Variants in HSD11B2 observed in about 807,000 individuals in gnomAD.
HSD11B2 encodes 11-beta-hydroxysteroid dehydrogenase type 2.
A neutral mutation model predicts 20.9 loss-of-function variants in HSD11B2; 17 were observed. The ratio of observed to expected loss-of-function variants is 0.81; its 90% CI spans 0.56 to 1.22. The LOEUF (loss-of-function observed/expected upper bound fraction) is 1.22. HSD11B2 is among the 50% of genes most tolerant of loss of function. HSD11B2 has a pLI of 0.00. For missense variants in HSD11B2, 480 were observed against 563.6 expected (o/e 0.85, Z 1.50); for synonymous variants, 253 against 255.4 (o/e 0.99, Z 0.09).
In HSD11B2 at chr16:67,436,973, C is replaced by A. The variant is rs766870207; in HGVS notation, c.1188C>A (p.Ser396Arg). Residue 396 changes from serine to arginine, a missense_variant, in exon 5 of 5, where the codon AGC becomes AGA. By Grantham distance (110) the Ser-to-Arg change is moderately radical. This residue lies in a region of HSD11B2 where 374 missense variants were observed against 480.9 expected (regional missense o/e 0.78). Coordinates refer to ENST00000326152, the MANE Select transcript of HSD11B2 (RefSeq NM_000196.4). The surrounding 1 kb of genome is among the most constrained non-coding windows in gnomAD (Gnocchi z 5.7). Reference protein sequence around the residue: ...PQDAAQDPNLSPGPSPAVAR With the variant: ...PQDAAQDPNLRPGPSPAVAR The stretch of plus-strand genomic sequence containing the variant: ...ACGCAGCCCAGGACCCAAACCTGAG[C>A]CCCGGCCCTTCCCCAGCAGTGGCTC... 9 of 1,610,444 alleles carry A rather than the reference C, an allele frequency of 5.6e-6. No homozygotes were observed. The Admixed American group carries it at 1.5e-4, about 27-fold the overall frequency.
At chr16:67,432,920 T>A (rs1454643174) in intron 1 of HSD11B2, 1 of 152,274 alleles carries the variant, frequency 6.6e-6, no homozygotes, top group Admixed American at 6.5e-5. Context: ...TTGTGGGCTC[T>A]GCCTCTGGGG....
Position 67,436,586 on chromosome 16 carries a change from A to G in HSD11B2, c.803-2A>G. The G allele has an allele frequency of 6.2e-7, 1 of 1,614,074 alleles. No individual in the cohort carries two copies. Among genetic ancestry groups the G allele is most frequent in the Non-Finnish European group, 8.5e-7 (1 of 1,179,996 alleles). ...ACTCTGACCTTGCCACTCCTTCCCCAGAGTCAGTGAGAAACGTGGGTCAGT... is the reference window on the plus strand; with the variant it reads ...ACTCTGACCTTGCCACTCCTTCCCCGGAGTCAGTGAGAAACGTGGGTCAGT... On this transcript the variant is annotated splice_acceptor_variant, in intron 4 of 4. Coordinates refer to ENST00000326152, the MANE Select transcript of HSD11B2 (RefSeq NM_000196.4). LOFTEE classifies it high-confidence loss of function. The surrounding 1 kb of genome is among the most constrained non-coding windows in gnomAD (Gnocchi z 5.7).
At chr16:67,433,913 G>C (rs1227859234) in intron 1 of HSD11B2, among the ~76,000 whole-genome samples, 2 of 145,528 alleles carry the variant, frequency 1.4e-5, no homozygotes, top group Non-Finnish European at 3.0e-5. Flanking sequence ...GAAGATGGGG[G>C]TTGGGGGGCG....
In HSD11B2 at chr16:67,437,338, C is replaced by T; in HGVS notation, c.*335C>T. 2 of 421,828 alleles carry T rather than the reference C, an allele frequency of 4.7e-6. No individual in the cohort carries two copies. Among genetic ancestry groups the T allele is most frequent in the East Asian group, 4.4e-5 (1 of 22,868 alleles). The allele number at this position is 421,828 out of a possible 1,614,324, so 26.1% of individuals were successfully genotyped here. On this transcript the variant is annotated 3_prime_UTR_variant, in exon 5 of 5. Transcript: ENST00000326152. ...CAGGACTCTGCAGATAGTGCCTCTG[C>T]AAACTAAGGAGTGACTAGGTGGGTT...
chr16:67,431,199 G>T lies in HSD11B2; in HGVS notation c.-50G>T. 1 of 1,081,394 alleles carries T rather than the reference G, an allele frequency of 9.2e-7. No homozygotes were observed. The highest frequency in any genetic ancestry group is 1.1e-6 in the Non-Finnish European group (1 of 875,876). 67.0% of individuals were successfully genotyped at this position (1,081,394 alleles called of 1,614,324 possible). A position where few individuals can be genotyped will look rare whatever the true frequency, so the allele number is the denominator to read the frequency against. On this transcript the variant is annotated 5_prime_UTR_variant, in exon 1 of 5. Coordinates refer to ENST00000326152, the MANE Select transcript of HSD11B2 (RefSeq NM_000196.4). ...CCCGGCCTAGAAGCTCTCTCTCCCC[G>T]CTCCCCGGCCCGGCCCCCGCCCCGC...
At chr16:67,432,870 G>GA (rs1224615687) in intron 1 of HSD11B2, 3 of 152,418 alleles carry the variant, frequency 2.0e-5, no homozygotes, top group African/African-American at 7.2e-5. Context: ...TTTGAGGAAG[G>GA]AAAATCAACA....
At position 67,436,694 on chromosome 16, in the gene HSD11B2, G is replaced by A. The variant is rs747501209; in HGVS notation, c.909G>A (p.Leu303=). 5.6e-6 allele frequency: 9 copies of A among 1,614,058 alleles called. No homozygotes were observed. In the Admixed American group the frequency reaches 1.3e-4, roughly 24 times the overall value. The stretch of plus-strand genomic sequence containing the variant: ...ACGGCAAGGACTACATCGAGCACTT[G>A]CATGGGCAGTTCCTGCACTCGCTAC... ...QAYGKDYIEH[L]HGQFLHSLRL... The change falls in exon 5 of 5, where the codon TTG becomes TTA. Residue 303 remains leucine (L), a synonymous_variant. Transcript: ENST00000326152. This position sits in a 1 kb window ranked among gnomAD's most constrained non-coding sequence, Gnocchi z 5.7.
chr16:67,434,754 C>G (rs986616336), intron 1 of HSD11B2, among the ~76,000 whole-genome samples: 1 of 152,118 alleles, frequency 6.6e-6, no homozygotes, highest in African/African-American at 2.4e-5. Flanking sequence ...GTAGACTGGG[C>G]GCAGTGGCTC....
Position 67,437,058 on chromosome 16 carries a change from G to T in HSD11B2, c.*55G>T. ...AGCACAGGAGGCTCCGTGAGCCCTT[G>T]GTTCCTCCCCGAAAACCCCCAGCAT... On this transcript the variant is annotated 3_prime_UTR_variant, in exon 5 of 5. Coordinates refer to ENST00000326152, the MANE Select transcript of HSD11B2 (RefSeq NM_000196.4). The T allele has an allele frequency of 2.6e-6, 4 of 1,563,714 alleles. No individual in the cohort carries two copies. Among genetic ancestry groups the T allele is most frequent in the Non-Finnish European group, 2.6e-6 (3 of 1,152,126 alleles).
In HSD11B2 at chr16:67,436,743, C is replaced by T; in HGVS notation, c.958C>T (p.Pro320Ser). 6.2e-7 allele frequency: 1 copy of T among 1,614,112 alleles called. No individual in the cohort carries two copies. Among genetic ancestry groups the T allele is most frequent in the Non-Finnish European group, 8.5e-7 (1 of 1,180,036 alleles). The change falls in exon 5 of 5, where the codon CCA becomes TCA. Residue 320 changes from proline to serine, a missense_variant. Around this residue, in one of 2 missense-constraint regions of HSD11B2, gnomAD observed 374 missense variants for 480.9 expected, o/e 0.78. Coordinates refer to ENST00000326152, the MANE Select transcript of HSD11B2 (RefSeq NM_000196.4). The surrounding 1 kb of genome is among the most constrained non-coding windows in gnomAD (Gnocchi z 5.7). Reference protein sequence around the residue: ...SLRLAMSDLTPVVDAITDALL... With the variant: ...SLRLAMSDLTSVVDAITDALL... Reference sequence around the variant, plus strand: ...ACGCCTGGCCATGTCCGACCTCACCCCAGTTGTAGATGCCATCACAGATGC... The same window carrying T: ...ACGCCTGGCCATGTCCGACCTCACCTCAGTTGTAGATGCCATCACAGATGC...
rs757105861 is a variant in HSD11B2 at position 67,436,996 on chromosome 16, C to G, written c.1211C>G (p.Ala404Gly). 6.2e-7 allele frequency: 1 copy of G among 1,607,828 alleles called. No individual in the cohort carries two copies. Among genetic ancestry groups the G allele is most frequent in the Non-Finnish European group, 8.5e-7 (1 of 1,179,862 alleles). The change falls in exon 5 of 5, where the codon GCT becomes GGT. Residue 404 changes from alanine (A) to glycine (G), a missense_variant. Physicochemically the swap from Ala to Gly is moderately conservative, Grantham distance 60 (BLOSUM62 0). This residue lies in a region of HSD11B2 where 374 missense variants were observed against 480.9 expected (regional missense o/e 0.78). Transcript: ENST00000326152. This position sits in a 1 kb window ranked among gnomAD's most constrained non-coding sequence, Gnocchi z 5.7. ...NLSPGPSPAV[A>G]R Reference sequence around the variant, plus strand: ...AGCCCCGGCCCTTCCCCAGCAGTGGCTCGGTGAGCCATGTGCACCTATGGC... The same window carrying G: ...AGCCCCGGCCCTTCCCCAGCAGTGGGTCGGTGAGCCATGTGCACCTATGGC...
chr16:67,430,394 C>T (rs1320501306), upstream of HSD11B2, among the ~76,000 whole-genome samples: 1 of 152,192 alleles, frequency 6.6e-6, no homozygotes, highest in African/African-American at 2.4e-5. This position sits in a 1 kb window ranked among gnomAD's most constrained non-coding sequence, Gnocchi z 5.4. Flanking sequence ...GACCCCCACA[C>T]ACATACATTT....
chr16:67,433,021 T>G (rs1368617805), intron 1 of HSD11B2: 1 of 152,144 alleles, frequency 6.6e-6, no homozygotes, highest in Non-Finnish European at 1.5e-5. Flanking sequence ...GGGTAGTCTT[T>G]CCTGAGGTCT....
chr16:67,432,298 G>C (rs1250347449), intron 1 of HSD11B2, among the ~76,000 whole-genome samples: 2 of 152,168 alleles, frequency 1.3e-5, no homozygotes, highest in Non-Finnish European at 2.9e-5. Context: ...AGTGGGGAGG[G>C]GGAGAAAGGC....
At position 67,431,161 on chromosome 16, in the gene HSD11B2, C is replaced by T; in HGVS notation, c.-88C>T. The stretch of plus-strand genomic sequence containing the variant: ...TCTCGCGCCCCAGGCCGGTGTACCC[C>T]CGCACTCCGCGCCCCGGCCTAGAAG... On this transcript the variant is annotated 5_prime_UTR_variant, in exon 1 of 5. Transcript: ENST00000326152. 3 of 739,730 alleles carry T rather than the reference C, an allele frequency of 4.1e-6. No individual in the cohort carries two copies. Among genetic ancestry groups the T allele is most frequent in the Non-Finnish European group, 5.1e-6 (3 of 583,518 alleles). 45.8% of individuals were successfully genotyped at this position (739,730 alleles called of 1,614,324 possible).
chr16:67,436,273 G>A lies in HSD11B2; in HGVS notation c.689G>A (p.Gly230Glu). The A allele has an allele frequency of 6.2e-7, 1 of 1,614,088 alleles. No individual in the cohort carries two copies. Among genetic ancestry groups the A allele is most frequent in the Non-Finnish European group, 8.5e-7 (1 of 1,180,020 alleles). The change falls in exon 4 of 5, where the codon GGG becomes GAG. Residue 230 changes from glycine to glutamate, a missense_variant. Gly to Glu is a moderately conservative substitution (Grantham distance 98, BLOSUM62 -2). Transcript: ENST00000326152. This position sits in a 1 kb window ranked among gnomAD's most constrained non-coding sequence, Gnocchi z 5.7. ...GGGGACATGCCATATCCGTGCTTGG[G>A]GGCCTATGGAACCTCCAAAGCGGCC... The part of the protein sequence containing the change: ...PAGDMPYPCL[G>E]AYGTSKAAVA...
rs777226199 is a variant in HSD11B2 at position 67,435,547 on chromosome 16, T to C, written c.266-81T>C. On this transcript the variant is annotated intron_variant, in intron 1 of 4. Coordinates refer to ENST00000326152, the MANE Select transcript of HSD11B2 (RefSeq NM_000196.4). ...TTGGTTTGCAGGGGCCTGGATCCCA[T>C]CCAGACCCTGGTGATTCTGGGGTTG... 3.4e-6 allele frequency: 4 copies of C among 1,159,820 alleles called. No individual in the cohort carries two copies. In the African/African-American group the frequency reaches 4.6e-5, roughly 13 times the overall value. 71.8% of individuals were successfully genotyped at this position (1,159,820 alleles called of 1,614,324 possible). A position where few individuals can be genotyped will look rare whatever the true frequency, so the allele number is the denominator to read the frequency against.
In HSD11B2 at chr16:67,435,992, GA is replaced by G; in HGVS notation, c.516del (p.Val173Ter). On this transcript the variant is annotated frameshift_variant, in exon 3 of 5. Transcript: ENST00000326152. LOFTEE classifies it high-confidence loss of function. ...WGLVNNAGHN[E>X]VVADAELSPV... ...CCTCGTCAACAACGCAGGCCACAAT[GA>G]AGTAGTTGCTGATGCGGAGCTGTCT... is the stretch of plus-strand genomic sequence containing the variant. 6.2e-7 allele frequency: 1 copy of G among 1,614,240 alleles called. No individual in the cohort carries two copies. Among genetic ancestry groups the G allele is most frequent in the Admixed American group, 1.7e-5 (1 of 60,036 alleles).
intron 1 of HSD11B2, among the ~76,000 whole-genome samples, chr16:67,433,627 TG>T (rs1483704847): frequency 1.3e-5 from 2 of 151,546 alleles, no homozygotes; most frequent in East Asian, 3.9e-4. Context: ...CTGTTTCCCT[TG>T]GGAGGACCTG....
Sources: gnomAD v4.1 joint callset for allele counts (sites outside exome capture counted in the v4.1 genomes callset) on GRCh38, gnomAD v4.1.1 for gene constraint, gnomAD v4.1.1 regional missense constraint, Gnocchi (gnomAD v3.1) non-coding constraint, MANE v1.5 for transcripts, NCBI Gene and HGNC (gene_info 2026-07-23, HGNC 2026-07-21) for gene names.